The following COL6A5 variants were observed in gnomAD, a reference collection of about 807,000 sequenced individuals.
The protein encoded by COL6A5 is collagen alpha-5(VI) chain.
Under a neutral mutation model 65.6 loss-of-function variants are expected in COL6A5, and 48 were observed. The ratio of observed to expected loss-of-function variants is 0.73; its 90% CI spans 0.58 to 0.93. The LOEUF is 0.93. Among genes scored for constraint, COL6A5 ranks in the 40% least tolerant of loss-of-function variants. The pLI is 0.00. For synonymous variants in COL6A5, 291 were observed against 322.8 expected, an observed-to-expected ratio of 0.90 and a Z score of 1.05; for missense variants, 914 against 928.3, an observed-to-expected ratio of 0.98 and a Z score of 0.20.
chr3:130,378,136 C>T (rs906811534), intron 3 of COL6A5, among the ~76,000 whole-genome samples: 1 of 152,090 alleles, frequency 6.6e-6, no homozygotes, highest in Non-Finnish European at 1.5e-5. Context: ...ATACGGTGTA[C>T]TTTCCCTTAG....
At chr3:130,461,807 G>T (rs1709707647) in intron 5 of COL6A5, among the ~76,000 whole-genome samples, 1 of 151,270 alleles carries the variant, frequency 6.6e-6, no homozygotes, top group Admixed American at 6.6e-5. Context: ...TCATCCAGAG[G>T]CATGGAGCAC....
At chr3:130,464,608 A>C (rs1709772825) in intron 5 of COL6A5, among the ~76,000 whole-genome samples, 1 of 152,110 alleles carries the variant, frequency 6.6e-6, no homozygotes, top group Non-Finnish European at 1.5e-5. Context: ...ATTAATCTTC[A>C]CAATTCCTAA....
chr3:130,410,094 C>T lies in COL6A5; in HGVS notation c.4608+20C>T. The stretch of plus-strand genomic sequence containing the variant: ...AGACAAGTAATTTGATCTGTTTTAT[C>T]TATGAGTTGATTAATTCTGTTATTG... On this transcript the variant is annotated intron_variant and NMD_transcript_variant, in intron 19 of 41. Coordinates refer to the COL6A5 transcript ENST00000312481. The T allele has an allele frequency of 1.3e-6, 2 of 1,506,568 alleles. No individual in the cohort carries two copies. Among genetic ancestry groups the T allele is most frequent in the Non-Finnish European group, 1.8e-6 (2 of 1,108,726 alleles). The allele number at this position is 1,506,568 out of a possible 1,614,324, so 93.3% of individuals were successfully genotyped here.
intron 22 of COL6A5, among the ~76,000 whole-genome samples, 158 bp downstream of exon 22, chr3:130,414,289 A>G (rs900740091): frequency 1.1e-4 from 17 of 152,130 alleles, no homozygotes; most frequent in Non-Finnish European, 1.9e-4. Context: ...CATTCCATCA[A>G]ACTTGCTTCG....
At chr3:130,390,462 A>G (rs551825979) in intron 6 of COL6A5, among the ~76,000 whole-genome samples, 1 of 152,308 alleles carries the variant, frequency 6.6e-6, no homozygotes, top group African/African-American at 2.4e-5. Flanking sequence ...ATACATGTGC[A>G]TAAGTTATTG....
intron 11 of COL6A5, among the ~76,000 whole-genome samples, chr3:130,401,549 C>A (rs190278551): frequency 1.3e-5 from 2 of 152,352 alleles, no homozygotes; most frequent in East Asian, 3.9e-4. Context: ...AGACAGAGAT[C>A]ATTTCCTCTG....
chr3:130,443,468 C>T lies in COL6A5; in HGVS notation c.1242-8C>T, dbSNP rs890681809. 1.3e-6 allele frequency: 2 copies of T among 1,592,002 alleles called. No homozygotes were observed. The highest frequency in any genetic ancestry group is 2.2e-5 in the East Asian group (1 of 44,638). ...TAAAATCTAACTATAACTTTGTTCT[C>T]TCAATAGGGGGATTCAATCAGTACC... On this transcript the variant is annotated splice_polypyrimidine_tract_variant and splice_region_variant and intron_variant, in intron 3 of 7. Coordinates refer to ENST00000512836, the Ensembl canonical transcript of COL6A5.
chr3:130,391,377 C>T lies in COL6A5; in HGVS notation c.2615C>T (p.Ser872Leu), dbSNP rs201679998. The change falls in exon 7 of 42, where the codon TCG becomes TTG. Residue 872 changes from serine (S) to leucine (L), a missense_variant and NMD_transcript_variant. Physicochemically the swap from Ser to Leu is moderately radical, Grantham distance 145. Coordinates refer to the COL6A5 transcript ENST00000312481. ...ATCCTTTTCTACCTTAATACATACT[C>T]GAACAGATCAGCAATAATTGAGAAT... 5.9e-5 allele frequency: 91 copies of T among 1,551,536 alleles called. No individual in the cohort carries two copies. Among genetic ancestry groups the T allele is most frequent in the Middle Eastern group, 1.7e-4 (1 of 6,014 alleles).
intron 27 of COL6A5, among the ~76,000 whole-genome samples, chr3:130,422,444 G>C (rs960406439): frequency 1.3e-5 from 2 of 151,778 alleles, no homozygotes; most frequent in African/African-American, 4.8e-5. Context: ...GGGTTTTCAA[G>C]CATTTTCTTT....
intron 5 of COL6A5, among the ~76,000 whole-genome samples, chr3:130,462,292 G>T (rs1255901658): frequency 2.6e-5 from 4 of 152,090 alleles, no homozygotes. Flanking sequence ...AGAGGGGTAT[G>T]AATGATTGCC....
chr3:130,399,613 C>T (rs1448918131), intron 10 of COL6A5, among the ~76,000 whole-genome samples: 17 of 151,892 alleles, frequency 1.1e-4, no homozygotes, highest in South Asian at 4.2e-4. Context: ...CCTCATGATC[C>T]GCCCACCTCG....
intron 4 of COL6A5, among the ~76,000 whole-genome samples, chr3:130,448,227 A>G (rs1017098665): frequency 6.6e-6 from 1 of 152,150 alleles, no homozygotes; most frequent in Admixed American, 6.6e-5. Context: ...AGGGGAGTGT[A>G]ATGAAGCGAA....
chr3:130,471,899 G>T (rs1238064965), intron 7 of COL6A5: 1 of 1,534,828 alleles, frequency 6.5e-7, no homozygotes, highest in Non-Finnish European at 8.7e-7. Context: ...TTCAGCTCTA[G>T]TGGTTGATAA....
At chr3:130,471,000 C>G in intron 7 of COL6A5, 33 bp downstream of exon 39, 2 of 1,441,846 alleles carry the variant, frequency 1.4e-6, no homozygotes, top group Non-Finnish European at 1.9e-6. Flanking sequence ...TGGGTAATAC[C>G]ACAACTGGAA....
rs745678808 is a variant in COL6A5, at chr3:130,471,894, C to T, written c.2328+927C>T. 3.3e-6 allele frequency: 5 copies of T among 1,534,720 alleles called. No individual in the cohort carries two copies. The South Asian group carries it at 6.0e-5, about 18-fold the overall frequency. Reference sequence around the variant, plus strand: ...AAAGCACATTTAGAAGAAATTTCAGCTCTAGTGGTTGATAAACAGCAAGAA... The same window carrying T: ...AAAGCACATTTAGAAGAAATTTCAGTTCTAGTGGTTGATAAACAGCAAGAA... On this transcript the variant is annotated intron_variant, in intron 7 of 7. Transcript: ENST00000512836.
At chr3:130,449,698 G>A (rs979737198) in intron 4 of COL6A5, among the ~76,000 whole-genome samples, 2 of 152,066 alleles carry the variant, frequency 1.3e-5, no homozygotes, top group East Asian at 1.9e-4. Context: ...TCCAATAAGC[G>A]GCCTTTTCAC....
At chr3:130,451,002 C>T (rs1375079431) in intron 4 of COL6A5, among the ~76,000 whole-genome samples, 2 of 152,102 alleles carry the variant, frequency 1.3e-5, no homozygotes, top group East Asian at 1.9e-4. Context: ...GTTAGAACAG[C>T]TTTTGCCAAA....
intron 13 of COL6A5, among the ~76,000 whole-genome samples, 166 bp from the exon 14 acceptor site, chr3:130,405,422 A>C (rs987910016): frequency 3.3e-5 from 5 of 152,184 alleles, no homozygotes. Context: ...GGGGAAAAAC[A>C]GACATAAATG....
rs1344405054 is a variant in COL6A5 at position 130,411,447 on chromosome 3, G to A, written c.4662+923G>A. Reference sequence around the variant, plus strand: ...GCTGATTGCCCTTCTCTCTGGGATAGATGGTGAAGAAATGTGTTTTTATAC... The same window carrying A: ...GCTGATTGCCCTTCTCTCTGGGATAAATGGTGAAGAAATGTGTTTTTATAC... On this transcript the variant is annotated intron_variant and NMD_transcript_variant, in intron 20 of 41. Transcript: ENST00000312481. Among the ~76,000 whole-genome samples, 7 of 152,166 alleles carry A rather than the reference G, an allele frequency of 4.6e-5. No individual in the cohort carries two copies. The South Asian group carries it at 1.0e-3, about 23-fold the overall frequency.
Sources: gnomAD v4.1 joint callset for allele counts (sites outside exome capture counted in the v4.1 genomes callset) on GRCh38, gnomAD v4.1.1 for gene constraint, MANE v1.5 for transcripts, NCBI Gene and HGNC (gene_info 2026-07-23, HGNC 2026-07-21) for gene names.